The following GNAQ variants were observed in gnomAD, a reference collection of about 807,000 sequenced individuals.
GNAQ encodes guanine nucleotide-binding protein G(q) subunit alpha.
Under a neutral mutation model 43.9 loss-of-function variants are expected in GNAQ, and 8 were observed. The ratio of observed to expected loss-of-function variants is 0.18; its 90% CI spans 0.11 to 0.33. The LOEUF (loss-of-function observed/expected upper bound fraction) is 0.33. GNAQ is among the 10% of genes least tolerant of loss of function. GNAQ has a pLI of 1.00. For missense variants in GNAQ, 158 were observed against 450.8 expected (o/e 0.35, Z 5.88); for synonymous variants, 155 against 170.7 (o/e 0.91, Z 0.71).
intron 5 of GNAQ, among the ~76,000 whole-genome samples, chr9:77,786,247 G>A (rs1031713370): frequency 1.3e-5 from 2 of 151,604 alleles, no homozygotes; most frequent in African/African-American, 2.4e-5. Flanking sequence ...GCGTGGTGGC[G>A]GGTGCCTGTA....
At position 77,793,102 on chromosome 9, in the gene GNAQ, C is replaced by G. The variant is rs1826602320; in HGVS notation, c.735+1361G>C. 1.3e-5 allele frequency among the ~76,000 whole-genome samples: 2 copies of G among 152,094 alleles called. 1 individual carries two copies. Among genetic ancestry groups the G allele is most frequent in the Admixed American group, 1.3e-4 (2 of 15,256 alleles). On this transcript the variant is annotated intron_variant, in intron 5 of 6. Coordinates refer to ENST00000286548, the MANE Select transcript of GNAQ (RefSeq NM_002072.5). ...CAAAATATGCAGTATGTTTAAAATA[C>G]TACATCCAGGGATTATGTAACAAAC...
chr9:77,818,452 A>G (rs551402085), intron 2 of GNAQ, among the ~76,000 whole-genome samples: 2 of 152,232 alleles, frequency 1.3e-5, no homozygotes, highest in Admixed American at 6.5e-5. Context: ...TTTGTAAAAA[A>G]AAAAAAAAAA....
At chr9:77,763,555 T>A (rs1243813440) in intron 5 of GNAQ, among the ~76,000 whole-genome samples, 1 of 152,270 alleles carries the variant, frequency 6.6e-6, no homozygotes, top group Non-Finnish European at 1.5e-5. Context: ...ATTTGCGATT[T>A]TGCTAACTGC....
At chr9:77,992,032 T>G (rs141154473) in intron 1 of GNAQ, among the ~76,000 whole-genome samples, 1 of 152,244 alleles carries the variant, frequency 6.6e-6, no homozygotes, top group Non-Finnish European at 1.5e-5. Context: ...TAAGCATGCA[T>G]GTACATGCAT....
intron 5 of GNAQ, among the ~76,000 whole-genome samples, chr9:77,762,561 G>A (rs1826060524): frequency 6.7e-6 from 1 of 149,830 alleles, no homozygotes; most frequent in Non-Finnish European, 1.5e-5. Context: ...GAAGTGAGGA[G>A]CCCCTCTGCC....
intron 2 of GNAQ, among the ~76,000 whole-genome samples, chr9:77,859,554 A>G (rs1202117032): frequency 2.6e-5 from 4 of 152,220 alleles, no homozygotes; most frequent in Non-Finnish European, 5.9e-5. Context: ...TTTTTGCTTT[A>G]AAGTAAAGAA....
chr9:77,802,946 C>T (rs1158201657), intron 3 of GNAQ, among the ~76,000 whole-genome samples: 1 of 151,664 alleles, frequency 6.6e-6, no homozygotes, highest in African/African-American at 2.4e-5. Flanking sequence ...AAAAAGAAAC[C>T]CCGAGCTCAA....
intron 5 of GNAQ, among the ~76,000 whole-genome samples, chr9:77,743,190 G>A (rs189658689): frequency 0.012 from 1,878 of 152,242 alleles, 40 homozygotes; most frequent in African/African-American, 0.042. Context: ...CCCGGGAGGC[G>A]GAGGTTGCAG....
intron 2 of GNAQ, among the ~76,000 whole-genome samples, chr9:77,848,939 C>T (rs1827628682): frequency 6.6e-6 from 1 of 152,152 alleles, no homozygotes. Context: ...CCGTTCTAGA[C>T]ATAATAAAGG....
At chr9:77,788,804 C>T (rs1015823482) in intron 5 of GNAQ, among the ~76,000 whole-genome samples, 1 of 152,172 alleles carries the variant, frequency 6.6e-6, no homozygotes, top group Non-Finnish European at 1.5e-5. Flanking sequence ...CTATCACACG[C>T]TTTTATGTTA....
At chr9:77,995,729 T>C (rs1018890415) in intron 1 of GNAQ, among the ~76,000 whole-genome samples, 10 of 152,032 alleles carry the variant, frequency 6.6e-5, no homozygotes, top group African/African-American at 2.4e-4. Flanking sequence ...AATCTTCCCA[T>C]CTCAGCCTCC....
At chr9:78,005,609 T>C (rs1823695796) in intron 1 of GNAQ, among the ~76,000 whole-genome samples, 1 of 152,198 alleles carries the variant, frequency 6.6e-6, no homozygotes, top group South Asian at 2.1e-4. Context: ...TGCATCTGGA[T>C]AGTGATCTGT....
intron 2 of GNAQ, among the ~76,000 whole-genome samples, chr9:77,834,424 G>C (rs1227434050): frequency 1.3e-5 from 2 of 152,118 alleles, no homozygotes; most frequent in African/African-American, 2.4e-5. Flanking sequence ...AGGCCAACCT[G>C]AATTGAGATT....
intron 1 of GNAQ, among the ~76,000 whole-genome samples, chr9:77,940,701 CTCACGCCTGTAA>C (rs1829302644): frequency 6.6e-6 from 1 of 152,224 alleles, no homozygotes; most frequent in African/African-American, 2.4e-5. Context: ...CGCGCGGTGG[CTCACGCCTGTAA>C]TCCCAGCACT....
intron 5 of GNAQ, among the ~76,000 whole-genome samples, chr9:77,782,442 G>C (rs890848932): frequency 6.6e-6 from 1 of 152,084 alleles, no homozygotes; most frequent in Non-Finnish European, 1.5e-5. Context: ...AAACCACAAT[G>C]AAGTACTACT....
intron 2 of GNAQ, among the ~76,000 whole-genome samples, chr9:77,858,387 T>C (rs1437424734): frequency 6.6e-6 from 1 of 152,182 alleles, no homozygotes; most frequent in Non-Finnish European, 1.5e-5. Context: ...GAGGGTTTTC[T>C]GTTGCCCCAA....
intron 2 of GNAQ, among the ~76,000 whole-genome samples, chr9:77,885,202 C>T (rs1160016864): frequency 6.6e-6 from 1 of 152,004 alleles, no homozygotes; most frequent in African/African-American, 2.4e-5. Context: ...TTTTTTGGAA[C>T]CTCCCAGTGC....
chr9:77,751,620 C>G (rs1825812575), intron 5 of GNAQ, among the ~76,000 whole-genome samples: 1 of 152,090 alleles, frequency 6.6e-6, no homozygotes, highest in African/African-American at 2.4e-5. Flanking sequence ...GAGCTACAAC[C>G]TCACTTAAAG....
intron 3 of GNAQ, among the ~76,000 whole-genome samples, chr9:77,798,833 T>C (rs1826699966): frequency 6.6e-6 from 1 of 152,208 alleles, no homozygotes; most frequent in Admixed American, 6.5e-5. Context: ...AGTTGTTGAG[T>C]TCACAAATGC....
Sources: allele counts gnomAD v4.1 joint callset (sites outside exome capture counted in the v4.1 genomes callset), GRCh38; gene constraint gnomAD v4.1.1; transcripts MANE v1.5; gene names NCBI Gene and HGNC (gene_info 2026-07-23, HGNC 2026-07-21).